EPHA6: variants seen among roughly 807,000 people sequenced by gnomAD.
The protein encoded by EPHA6 is ephrin type-A receptor 6.
EPHA6 carries 50 observed loss-of-function variants against 112.0 expected under a neutral mutation model. The observed-to-expected ratio is 0.45, with a 90% CI of 0.36 to 0.56. The LOEUF is 0.56. Ranked by LOEUF, EPHA6 falls within the 20% of genes least tolerant of loss-of-function variation. The probability of loss-of-function intolerance (pLI) is 0.00; values close to 1 mark genes in which losing one functional copy is unlikely to be tolerated. For synonymous variants in EPHA6, 529 were observed against 490.7 expected, an observed-to-expected ratio of 1.08 and a Z score of -1.03; for missense variants, 1,280 against 1,417.4, an observed-to-expected ratio of 0.90 and a Z score of 1.56.
At chr3:97,619,129 G>T (rs1156916811) in intron 13 of EPHA6, among the ~76,000 whole-genome samples, 5 of 148,568 alleles carry the variant, frequency 3.4e-5, no homozygotes, top group Non-Finnish European at 5.9e-5. Flanking sequence ...ATCAATAAAT[G>T]TGATTCATAA....
intron 10 of EPHA6, among the ~76,000 whole-genome samples, chr3:97,528,135 G>C (rs761599828): frequency 2.0e-5 from 3 of 152,144 alleles, no homozygotes; most frequent in Non-Finnish European, 4.4e-5. Flanking sequence ...GTGGCACAAT[G>C]ACCTTGCCTT....
chr3:96,840,722 C>T (rs912858024), intron 1 of EPHA6, among the ~76,000 whole-genome samples: 3 of 151,976 alleles, frequency 2.0e-5, no homozygotes, highest in East Asian at 3.9e-4. Context: ...TCCTGATTAC[C>T]GGCCGGTGTC....
chr3:97,127,714 C>CAAAA (rs1343245083), intron 3 of EPHA6, among the ~76,000 whole-genome samples: 1 of 93,874 alleles, frequency 1.1e-5, no homozygotes. Flanking sequence ...GACCCTGTCT[C>CAAAA]AAAAAAAAAA....
intron 11 of EPHA6, among the ~76,000 whole-genome samples, chr3:97,574,989 C>G (rs1473818319): frequency 6.6e-6 from 1 of 151,966 alleles, no homozygotes; most frequent in Admixed American, 6.6e-5. Context: ...TTTAACCAAC[C>G]TTCACATGTA....
At chr3:97,563,705 C>T (rs1310852481) in intron 11 of EPHA6, among the ~76,000 whole-genome samples, 4 of 152,122 alleles carry the variant, frequency 2.6e-5, no homozygotes, top group Non-Finnish European at 5.9e-5. Context: ...CAAACTGAAA[C>T]TTACAGTGAA....
chr3:97,100,351 C>A (rs1576487850), intron 3 of EPHA6, among the ~76,000 whole-genome samples: 1 of 151,418 alleles, frequency 6.6e-6, no homozygotes, highest in East Asian at 1.9e-4. Context: ...CTATATATTT[C>A]TTTCTGATTA....
intron 3 of EPHA6, among the ~76,000 whole-genome samples, chr3:97,214,909 T>C (rs1265029407): frequency 6.6e-6 from 1 of 152,202 alleles, no homozygotes; most frequent in African/African-American, 2.4e-5. Flanking sequence ...ACAATATTTA[T>C]TGTACAGCAG....
At chr3:97,012,607 G>GTGTATA (rs368002096) in intron 3 of EPHA6, among the ~76,000 whole-genome samples, 2,783 of 132,032 alleles carry the variant, frequency 0.021, 79 homozygotes, top group African/African-American at 0.078. Flanking sequence ...GTGTGTGTGT[G>GTGTATA]TATATATATA....
intron 14 of EPHA6, among the ~76,000 whole-genome samples, chr3:97,697,782 C>T (rs2033133675): frequency 6.6e-6 from 1 of 152,152 alleles, no homozygotes; most frequent in South Asian, 2.1e-4. Context: ...TTATGTCAAT[C>T]TGTCCCATAG....
chr3:97,719,373 G>T (rs1475444270), intron 14 of EPHA6, among the ~76,000 whole-genome samples: 1 of 151,878 alleles, frequency 6.6e-6, no homozygotes, highest in Non-Finnish European at 1.5e-5. Flanking sequence ...TCTGGGAGCC[G>T]CTCATTGTTC....
At chr3:97,248,471 C>G (rs1029404503) in intron 5 of EPHA6, among the ~76,000 whole-genome samples, 1 of 152,012 alleles carries the variant, frequency 6.6e-6, no homozygotes, top group African/African-American at 2.4e-5. Flanking sequence ...GGATAGTCGA[C>G]CCAAAACAAA....
intron 3 of EPHA6, among the ~76,000 whole-genome samples, chr3:97,084,450 T>C (rs2046830371): frequency 6.6e-6 from 1 of 151,918 alleles, no homozygotes; most frequent in Non-Finnish European, 1.5e-5. Flanking sequence ...TGCTGTTCTA[T>C]AGAGTACTTT....
Position 97,528,784 on chromosome 3 carries a change from A to G in EPHA6, c.2201-3574A>G, listed in dbSNP as rs146569992. Among the ~76,000 whole-genome samples the G allele has an allele frequency of 6.9e-3, 1,054 of 152,294 alleles. 17 individuals are homozygous for G. Among genetic ancestry groups the G allele is most frequent in the African/African-American group, 0.022 (921 of 41,568 alleles). ...TCCCAATACTAATTGATACTTTAAT[A>G]TGACCCTGTATAACATACAACAAAA... is the stretch of plus-strand genomic sequence containing the variant. On this transcript the variant is annotated intron_variant, in intron 10 of 17. Coordinates refer to ENST00000389672, the MANE Select transcript of EPHA6 (RefSeq NM_001080448.3).
intron 3 of EPHA6, among the ~76,000 whole-genome samples, chr3:97,000,287 A>ACACACACACACACACATATATATAGC (rs138184966): frequency 6.8e-5 from 10 of 147,200 alleles, no homozygotes; most frequent in African/African-American, 2.3e-4. Context: ...ACACACACAC[A>ACACACACACACACACATATATATAGC]CACACATATA....
At chr3:97,098,276 C>T (rs2047303389) in intron 3 of EPHA6, among the ~76,000 whole-genome samples, 1 of 151,926 alleles carries the variant, frequency 6.6e-6, no homozygotes, top group African/African-American at 2.4e-5. Context: ...ACTTCTAAAA[C>T]ATCCAAACAA....
chr3:97,397,565 C>T lies in EPHA6; in HGVS notation c.1607-7585C>T, dbSNP rs375729273. 7.9e-5 allele frequency among the ~76,000 whole-genome samples: 12 copies of T among 151,680 alleles called. No individual in the cohort carries two copies. In the South Asian group the frequency reaches 2.5e-3, roughly 31 times the overall value. ...CTGTAAATTGTTTCTCTCATCCTCT[C>T]CTTTAATTCATTAACCATTTAAAGT... is the stretch of plus-strand genomic sequence containing the variant. On this transcript the variant is annotated intron_variant, in intron 5 of 17. Transcript: ENST00000389672.
intron 3 of EPHA6, among the ~76,000 whole-genome samples, chr3:97,045,674 T>C (rs2045479511): frequency 6.6e-6 from 1 of 152,032 alleles, no homozygotes; most frequent in Non-Finnish European, 1.5e-5. Context: ...TTATAAAATA[T>C]AGTGAAAACT....
At chr3:97,347,799 C>T (rs1245416849) in intron 5 of EPHA6, among the ~76,000 whole-genome samples, 2 of 151,958 alleles carry the variant, frequency 1.3e-5, no homozygotes, top group African/African-American at 4.8e-5. Flanking sequence ...CCATAAACTT[C>T]AGCATTTCAA....
chr3:97,607,605 T>C (rs1337701154), intron 12 of EPHA6, among the ~76,000 whole-genome samples: 2 of 151,128 alleles, frequency 1.3e-5, no homozygotes, highest in Non-Finnish European at 3.0e-5. Flanking sequence ...GAAGTATCTT[T>C]GAAAGTCTCT....
Sources: gnomAD v4.1 joint callset for allele counts (sites outside exome capture counted in the v4.1 genomes callset) on GRCh38, gnomAD v4.1.1 for gene constraint, MANE v1.5 for transcripts, NCBI Gene and HGNC (gene_info 2026-07-23, HGNC 2026-07-21) for gene names.